The following VRK2 variants were observed in gnomAD, a reference collection of about 807,000 sequenced individuals.
VRK2 encodes serine/threonine-protein kinase VRK2.
Under a neutral mutation model 57.6 loss-of-function variants are expected in VRK2, and 60 were observed. The observed-to-expected ratio is 1.04, with a 90% CI of 0.85 to 1.29. The LOEUF is 1.29. VRK2 is among the 50% of genes most tolerant of loss of function. VRK2 has a pLI of 0.00. For missense variants in VRK2, 705 were observed against 588.1 expected, an observed-to-expected ratio of 1.20 and a Z score of -2.06; for synonymous variants, 231 against 199.2, an observed-to-expected ratio of 1.16 and a Z score of -1.35.
chr2:57,984,519 T>G (rs1366860822), intron 1 of VRK2, among the ~76,000 whole-genome samples: 2 of 152,148 alleles, frequency 1.3e-5, no homozygotes, highest in East Asian at 3.8e-4. Flanking sequence ...TATTTTTAGC[T>G]AACTATGGCA....
intron 1 of VRK2, among the ~76,000 whole-genome samples, chr2:57,949,077 C>A (rs1186218815): frequency 3.5e-5 from 1 of 28,184 alleles, no homozygotes. Context: ...TGGTGGGGGA[C>A]AGGGGGCGGG....
At chr2:58,151,547 A>G (rs541687919) in intron 12 of VRK2, among the ~76,000 whole-genome samples, 65 of 151,536 alleles carry the variant, frequency 4.3e-4, no homozygotes, top group African/African-American at 1.4e-3. Context: ...TTTGCTCCAT[A>G]TCTATTTCAT....
chr2:58,034,368 G>A (rs1053439548), intron 3 of VRK2, among the ~76,000 whole-genome samples: 3 of 151,888 alleles, frequency 2.0e-5, no homozygotes, highest in South Asian at 2.1e-4. Flanking sequence ...CAGTTTGCCC[G>A]CTACCGATTC....
intron 1 of VRK2, among the ~76,000 whole-genome samples, chr2:57,968,095 G>A (rs1018228701): frequency 6.6e-6 from 1 of 151,844 alleles, no homozygotes; most frequent in Non-Finnish European, 1.5e-5. Flanking sequence ...GGAAGCAATT[G>A]CCCCAAAATA....
At chr2:58,006,429 T>G (rs1673247099) in intron 1 of VRK2, among the ~76,000 whole-genome samples, 1 of 152,088 alleles carries the variant, frequency 6.6e-6, no homozygotes, top group Non-Finnish European at 1.5e-5. Flanking sequence ...AATGTTAGAG[T>G]GGATTTACCA....
intron 7 of VRK2, among the ~76,000 whole-genome samples, chr2:58,101,052 A>T (rs1485829458): frequency 6.6e-6 from 1 of 150,472 alleles, no homozygotes; most frequent in Admixed American, 6.6e-5. Context: ...ATGGGCTACT[A>T]GAGTCTTATT....
At chr2:58,155,667 T>G (rs547554867) in intron 12 of VRK2, among the ~76,000 whole-genome samples, 10 of 152,054 alleles carry the variant, frequency 6.6e-5, no homozygotes, top group Admixed American at 6.5e-4. Flanking sequence ...AGGGTAGGTG[T>G]GCTCCCTGGT....
chr2:57,989,330 T>C (rs930539736), intron 1 of VRK2, among the ~76,000 whole-genome samples: 1 of 152,258 alleles, frequency 6.6e-6, no homozygotes, highest in African/African-American at 2.4e-5. Context: ...TTTTATCTGC[T>C]AAGCCTGCCA....
At chr2:57,938,057 C>A (rs1302337640) in intron 1 of VRK2, among the ~76,000 whole-genome samples, 2 of 152,032 alleles carry the variant, frequency 1.3e-5, no homozygotes, top group African/African-American at 4.8e-5. Context: ...ATTTCGAACT[C>A]CTGTCCTCGT....
chr2:58,045,684 A>G (rs562448629), upstream of VRK2, among the ~76,000 whole-genome samples: 5 of 152,282 alleles, frequency 3.3e-5, no homozygotes, highest in South Asian at 8.3e-4. Flanking sequence ...GGGAGCCCCA[A>G]TTCCTTATTC....
chr2:57,934,907 TTC>T (rs890365664), intron 1 of VRK2, among the ~76,000 whole-genome samples: 12 of 152,218 alleles, frequency 7.9e-5, no homozygotes, highest in African/African-American at 2.9e-4. Context: ...TCTCCAGAAT[TTC>T]TGTTTGGCTT....
intron 7 of VRK2, among the ~76,000 whole-genome samples, chr2:58,106,914 A>G (rs1219466184): frequency 6.6e-6 from 1 of 152,096 alleles, no homozygotes; most frequent in Non-Finnish European, 1.5e-5. Flanking sequence ...AAGCACTAGT[A>G]TCATTTGTAG....
chr2:58,017,061 C>T (rs866580727), intron 1 of VRK2, among the ~76,000 whole-genome samples: 1 of 152,074 alleles, frequency 6.6e-6, no homozygotes, highest in South Asian at 2.1e-4. Context: ...TTTATTAAAT[C>T]TGGGAGTCCC....
chr2:58,063,789 A>G (rs1336314422), intron 2 of VRK2, among the ~76,000 whole-genome samples: 2 of 152,106 alleles, frequency 1.3e-5, no homozygotes, highest in African/African-American at 4.8e-5. Flanking sequence ...GATTCCTCAG[A>G]TGGATCTGGG....
At chr2:57,959,220 C>G (rs1671679678) in intron 1 of VRK2, among the ~76,000 whole-genome samples, 1 of 152,106 alleles carries the variant, frequency 6.6e-6, no homozygotes. Context: ...TCTTAAATAG[C>G]ACAAGGCAAT....
intron 2 of VRK2, among the ~76,000 whole-genome samples, chr2:58,054,238 T>C (rs750963658): frequency 3.3e-5 from 5 of 152,102 alleles, no homozygotes; most frequent in Non-Finnish European, 4.4e-5. Flanking sequence ...GCATATTTTA[T>C]ATTATGGTTC....
intron 1 of VRK2, among the ~76,000 whole-genome samples, chr2:57,965,121 A>G (rs1228972982): frequency 1.3e-5 from 2 of 152,206 alleles, no homozygotes. Flanking sequence ...TAATAGGTAT[A>G]TACTGTATTA....
intron 1 of VRK2, among the ~76,000 whole-genome samples, chr2:57,994,039 T>C (rs973701898): frequency 2.6e-5 from 4 of 152,258 alleles, no homozygotes; most frequent in African/African-American, 9.6e-5. Flanking sequence ...GAAGCAATGC[T>C]ACCATGATAA....
At chr2:58,004,541 C>T (rs1673186064) in intron 1 of VRK2, among the ~76,000 whole-genome samples, 1 of 152,046 alleles carries the variant, frequency 6.6e-6, no homozygotes, top group African/African-American at 2.4e-5. Context: ...AAGTTTAAAC[C>T]TGAGCTTCAA....
Sources: gnomAD v4.1 joint callset for allele counts (sites outside exome capture counted in the v4.1 genomes callset) on GRCh38, gnomAD v4.1.1 for gene constraint, MANE v1.5 for transcripts, NCBI Gene and HGNC (gene_info 2026-07-23, HGNC 2026-07-21) for gene names.